TMTC1: variants seen among roughly 807,000 people sequenced by gnomAD.
TMTC1 encodes transmembrane O-mannosyltransferase targeting cadherins 1.
A neutral mutation model predicts 104.8 loss-of-function variants in TMTC1; 73 were observed. That is an observed-to-expected ratio of 0.70 (90% CI 0.58 to 0.85). TMTC1 has a LOEUF of 0.85. Among genes scored for constraint, TMTC1 ranks in the 40% least tolerant of loss-of-function variants. The probability of loss-of-function intolerance (pLI) is 0.00; values close to 1 mark genes in which losing one functional copy is unlikely to be tolerated. For missense variants in TMTC1, 1,035 were observed against 1,096.1 expected, an observed-to-expected ratio of 0.94 and a Z score of 0.79; for synonymous variants, 434 against 428.7, an observed-to-expected ratio of 1.01 and a Z score of -0.15.
At chr12:29,603,533 A>G (rs1484062668) in intron 7 of TMTC1, among the ~76,000 whole-genome samples, 6 of 152,144 alleles carry the variant, frequency 3.9e-5, no homozygotes, top group Non-Finnish European at 7.4e-5. Flanking sequence ...GGCAGAACCA[A>G]GACTTGGTTT....
At chr12:29,744,001 G>C (rs1265383315) in intron 5 of TMTC1, among the ~76,000 whole-genome samples, 4 of 152,114 alleles carry the variant, frequency 2.6e-5, no homozygotes, top group Admixed American at 2.6e-4. Flanking sequence ...TGTCTGCTGA[G>C]CTGATAGAAA....
At chr12:29,724,852 A>C (rs1942337709) in intron 5 of TMTC1, among the ~76,000 whole-genome samples, 1 of 152,146 alleles carries the variant, frequency 6.6e-6, no homozygotes, top group African/African-American at 2.4e-5. Context: ...ATACAGTTTT[A>C]AAAAATTCTC....
intron 5 of TMTC1, among the ~76,000 whole-genome samples, chr12:29,651,656 A>G (rs764855351): frequency 1.3e-5 from 2 of 152,180 alleles, no homozygotes; most frequent in Non-Finnish European, 2.9e-5. Context: ...CTGTGAACAA[A>G]AAATTAAACC....
chr12:29,726,476 A>G (rs1470725980), intron 5 of TMTC1, among the ~76,000 whole-genome samples: 1 of 152,108 alleles, frequency 6.6e-6, no homozygotes, highest in Non-Finnish European at 1.5e-5. Flanking sequence ...AGTCCTTTTC[A>G]ATCTACGTCT....
chr12:29,647,012 C>G (rs1939295734), intron 5 of TMTC1, among the ~76,000 whole-genome samples: 1 of 152,140 alleles, frequency 6.6e-6, no homozygotes, highest in South Asian at 2.1e-4. Context: ...ACAGCTTCAG[C>G]TTCGTTTCGA....
intron 6 of TMTC1, among the ~76,000 whole-genome samples, chr12:29,605,373 T>C (rs182972265): frequency 2.3e-3 from 345 of 152,098 alleles, no homozygotes; most frequent in African/African-American, 8.0e-3. Flanking sequence ...AAATATTTGT[T>C]TTACGGACTA....
intron 11 of TMTC1, among the ~76,000 whole-genome samples, chr12:29,521,588 CAGAG>C (rs1944165796): frequency 8.9e-6 from 1 of 111,896 alleles, no homozygotes; most frequent in South Asian, 2.6e-4. Context: ...TTTTTTGAGA[CAGAG>C]AGTCTCACTT....
intron 11 of TMTC1, among the ~76,000 whole-genome samples, chr12:29,521,850 G>A (rs1029526913): frequency 4.6e-5 from 7 of 152,148 alleles, no homozygotes; most frequent in Non-Finnish European, 7.4e-5. Flanking sequence ...TTACAGGCAT[G>A]AACCACTGCA....
At chr12:29,508,274 G>A (rs1191900165) in intron 17 of TMTC1, among the ~76,000 whole-genome samples, 1 of 152,242 alleles carries the variant, frequency 6.6e-6, no homozygotes, top group East Asian at 1.9e-4. Flanking sequence ...TGCTGAACAA[G>A]TGGGAACTTG....
In TMTC1 at chr12:29,690,625, T is replaced by C. The variant is rs139694192; in HGVS notation, c.939-57289A>G. 1.2e-4 allele frequency among the ~76,000 whole-genome samples: 18 copies of C among 152,360 alleles called. 2 individuals carry two copies. Among genetic ancestry groups the C allele is most frequent in the African/African-American group, 4.3e-4 (18 of 41,586 alleles). On this transcript the variant is annotated intron_variant, in intron 5 of 17. Transcript: ENST00000539277. Reference sequence around the variant, plus strand: ...TATGTAAATTTATTAACTATAGTCATAGCACTTGATCTTCACAGCTCATAT... The same window carrying C: ...TATGTAAATTTATTAACTATAGTCACAGCACTTGATCTTCACAGCTCATAT...
chr12:29,524,008 G>A (rs3910442), intron 11 of TMTC1, among the ~76,000 whole-genome samples: 55,981 of 151,764 alleles, frequency 0.37, 12,526 homozygotes, highest in African/African-American at 0.64. Context: ...GGCTTTTAAC[G>A]CCATTCTCAG....
chr12:29,609,072 A>G (rs917431343), intron 6 of TMTC1, among the ~76,000 whole-genome samples: 3 of 152,200 alleles, frequency 2.0e-5, no homozygotes, highest in East Asian at 3.8e-4. Context: ...TCCCTTCCAG[A>G]GAGGTGGAAA....
At chr12:29,661,228 G>A (rs778284029) in intron 5 of TMTC1, 17 of 354,614 alleles carry the variant, frequency 4.8e-5, no homozygotes, top group African/African-American at 2.4e-4. Context: ...CTATCCCATC[G>A]AATCCCAAAT....
At chr12:29,604,488 C>T (rs962404118) in intron 6 of TMTC1, among the ~76,000 whole-genome samples, 189 bp from the exon 7 acceptor site, 3 of 152,170 alleles carry the variant, frequency 2.0e-5, no homozygotes, top group African/African-American at 7.2e-5. Context: ...CATGTCAAAA[C>T]ATACACATGT....
intron 10 of TMTC1, among the ~76,000 whole-genome samples, chr12:29,547,121 C>T (rs1265114783): frequency 1.3e-5 from 2 of 152,148 alleles, no homozygotes; most frequent in Non-Finnish European, 2.9e-5. Context: ...GCAGTCTGGC[C>T]TGTTTAATTA....
chr12:29,743,995 TGCTGA>T (rs1188354594), intron 5 of TMTC1, among the ~76,000 whole-genome samples: 1 of 152,198 alleles, frequency 6.6e-6, no homozygotes, highest in African/African-American at 2.4e-5. Context: ...ATATGGTGTC[TGCTGA>T]GCTGATAGAA....
intron 5 of TMTC1, among the ~76,000 whole-genome samples, chr12:29,733,481 T>C (rs1591988606): frequency 6.6e-6 from 1 of 152,204 alleles, no homozygotes; most frequent in East Asian, 1.9e-4. Flanking sequence ...GTTGTTCACT[T>C]ATTATCACAT....
chr12:29,567,161 A>C (rs993317903), intron 9 of TMTC1, among the ~76,000 whole-genome samples: 3 of 152,132 alleles, frequency 2.0e-5, no homozygotes, highest in African/African-American at 7.2e-5. Flanking sequence ...CATTCTACTC[A>C]ACATCTCCTT....
rs1222937944 is a variant in TMTC1 at position 29,506,069 on chromosome 12, T to C, written c.*777A>G. On this transcript the variant is annotated 3_prime_UTR_variant, in exon 18 of 18. Transcript: ENST00000539277. ...ATATATTTGCAGGCGGGAACATGTA[T>C]GATTTTAAATGCACTTTTGAAATCT... is the stretch of plus-strand genomic sequence containing the variant. 6.6e-6 allele frequency: 1 copy of C among 152,178 alleles called. No homozygotes were observed. Among genetic ancestry groups the C allele is most frequent in the African/African-American group, 2.4e-5 (1 of 41,442 alleles). 9.4% of individuals were successfully genotyped at this position (152,178 alleles called of 1,614,324 possible).
Sources: allele counts gnomAD v4.1 joint callset (sites outside exome capture counted in the v4.1 genomes callset), GRCh38; gene constraint gnomAD v4.1.1; transcripts MANE v1.5; gene names NCBI Gene and HGNC (gene_info 2026-07-23, HGNC 2026-07-21).